SH3RF1: variants seen among roughly 807,000 people sequenced by gnomAD.
SH3RF1 encodes the protein SH3 domain containing ring finger 1, also known as E3 ubiquitin-protein ligase SH3RF1.
A neutral mutation model predicts 74.0 loss-of-function variants in SH3RF1; 32 were observed. That is an observed-to-expected ratio of 0.43 (90% CI 0.33 to 0.58). The LOEUF (loss-of-function observed/expected upper bound fraction) is 0.58. Ranked by LOEUF, SH3RF1 falls within the 20% of genes least tolerant of loss-of-function variation. The probability of loss-of-function intolerance (pLI) is 0.05; values close to 1 mark genes in which losing one functional copy is unlikely to be tolerated. For missense variants in SH3RF1, 954 were observed against 1,130.9 expected (o/e 0.84, Z 2.24); for synonymous variants, 396 against 439.6 (o/e 0.90, Z 1.24).
chr4:169,259,990 C>T (rs992003766), intron 2 of SH3RF1, among the ~76,000 whole-genome samples: 1 of 152,122 alleles, frequency 6.6e-6, no homozygotes, highest in Admixed American at 6.5e-5. Context: ...CTTGGGTTTG[C>T]TTAAACTACA....
chr4:169,224,360 C>T (rs1279620834), intron 2 of SH3RF1, among the ~76,000 whole-genome samples: 1 of 151,460 alleles, frequency 6.6e-6, no homozygotes, highest in Non-Finnish European at 1.5e-5. Context: ...CTCTGTGGTC[C>T]AGGCTGGAGT....
Position 169,120,832 on chromosome 4 carries a change from C to A in SH3RF1, c.1504G>T (p.Ala502Ser). 1 of 1,614,110 alleles carries A rather than the reference C, an allele frequency of 6.2e-7. No individual in the cohort carries two copies. The highest frequency in any genetic ancestry group is 8.5e-7 in the Non-Finnish European group (1 of 1,180,012). ...TCAAAACCATACCTTGTGACTGGTG[C>A]CACATAATTGCCAGGGAAAACCCCT... ...KIGVFPGNYVAPVTRAVTNAS... is the reference protein window; with the variant it reads ...KIGVFPGNYVSPVTRAVTNAS... The change falls in exon 8 of 12, where the codon GCA becomes TCA. Residue 502 changes from alanine (A) to serine (S), a missense_variant. This residue lies in a region of SH3RF1 where 854 missense variants were observed against 962.5 expected (regional missense o/e 0.89). Transcript: ENST00000284637.
intron 2 of SH3RF1, among the ~76,000 whole-genome samples, chr4:169,171,338 T>G (rs1734324410): frequency 6.6e-6 from 1 of 152,202 alleles, no homozygotes; most frequent in Non-Finnish European, 1.5e-5. Flanking sequence ...TTTGCTCAAT[T>G]AAATTATGTT....
intron 8 of SH3RF1, among the ~76,000 whole-genome samples, chr4:169,120,075 CTATGCATAGGA>C (rs1449823143): frequency 6.6e-6 from 1 of 152,142 alleles, no homozygotes; most frequent in Non-Finnish European, 1.5e-5. Context: ...GGAGGCTGTC[CTATGCATAGGA>C]TGTTTCACTC....
rs1196125840 is a variant in SH3RF1, at chr4:169,155,546, C to A, written c.699G>T (p.Val233=). Residue 233 remains valine, a synonymous_variant, in exon 4 of 12, where the codon GTG becomes GTT. Transcript: ENST00000284637. ...GCATTCCTTCAGCCCAGTTTTCATC[C>A]ACTCTTCGGATCACAGTCAGAACAT... ...KDDVLTVIRR[V]DENWAEGMLA... is the part of the protein sequence containing the mutation. 1 of 1,613,602 alleles carries A rather than the reference C, an allele frequency of 6.2e-7. No homozygotes were observed. Among genetic ancestry groups the A allele is most frequent in the East Asian group, 2.2e-5 (1 of 44,856 alleles).
At chr4:169,247,712 C>T (rs953957663) in intron 2 of SH3RF1, among the ~76,000 whole-genome samples, 1 of 151,954 alleles carries the variant, frequency 6.6e-6, no homozygotes, top group Non-Finnish European at 1.5e-5. Context: ...TTCCTGCACA[C>T]GACAGAAACT....
chr4:169,104,139 A>G (rs1733090978), intron 11 of SH3RF1, among the ~76,000 whole-genome samples: 1 of 152,192 alleles, frequency 6.6e-6, no homozygotes, highest in African/African-American at 2.4e-5. Flanking sequence ...CTGAAAAGGA[A>G]TGCACTGGGG....
At position 169,116,419 on chromosome 4, in the gene SH3RF1, T is replaced by A; in HGVS notation, c.1989A>T (p.Pro663=). The change falls in exon 10 of 12, where the codon CCA becomes CCT. Residue 663 remains proline, a synonymous_variant. Coordinates refer to ENST00000284637, the MANE Select transcript of SH3RF1 (RefSeq NM_020870.4). The stretch of plus-strand genomic sequence containing the variant: ...CACTGGTGATGCTTGGGGAAGTCAG[T>A]GGAGCAGCTGCTGCACAGGCCAGAG... ...SAPLACAAAA[P]LTSPSITSAS... 1.2e-6 allele frequency: 2 copies of A among 1,614,094 alleles called. No individual in the cohort carries two copies. The highest frequency in any genetic ancestry group is 2.2e-5 in the South Asian group (2 of 91,076).
chr4:169,134,036 C>A (rs1406770596), intron 5 of SH3RF1, among the ~76,000 whole-genome samples: 2 of 152,182 alleles, frequency 1.3e-5, no homozygotes, highest in Non-Finnish European at 2.9e-5. Context: ...GCTCAATGCT[C>A]TATTGTGGCC....
At chr4:169,163,635 T>C (rs1194155273) in intron 2 of SH3RF1, among the ~76,000 whole-genome samples, 1 of 152,188 alleles carries the variant, frequency 6.6e-6, no homozygotes, top group Non-Finnish European at 1.5e-5. Context: ...CAATTACCTC[T>C]TAAATCACAT....
chr4:169,094,654 T>A lies in SH3RF1; in HGVS notation c.*1865A>T, dbSNP rs993358881. On this transcript the variant is annotated 3_prime_UTR_variant, in exon 12 of 12. Transcript: ENST00000284637. ...ACACATTGGTGTCAACTTACACAGA[T>A]GAAAGCTGATGCCAGCTTTTTCCTA... The A allele has an allele frequency of 6.6e-6, 1 of 152,338 alleles. No individual in the cohort carries two copies. Among genetic ancestry groups the A allele is most frequent in the African/African-American group, 2.4e-5 (1 of 41,438 alleles). The allele number at this position is 152,338 out of a possible 1,614,324, so 9.4% of individuals were successfully genotyped here.
intron 5 of SH3RF1, among the ~76,000 whole-genome samples, chr4:169,132,885 C>T (rs564846634): frequency 5.9e-5 from 9 of 152,344 alleles, no homozygotes; most frequent in South Asian, 2.1e-4. Flanking sequence ...ACTCATGTCA[C>T]AGTCACAGAC....
At chr4:169,129,908 A>C (rs939533094) in intron 6 of SH3RF1, 138 bp downstream of exon 6, 3 of 694,284 alleles carry the variant, frequency 4.3e-6, no homozygotes, top group Non-Finnish European at 7.2e-6. Flanking sequence ...AGATTAACAG[A>C]GATAATAGAT....
At chr4:169,241,136 A>G (rs1238912072) in intron 2 of SH3RF1, among the ~76,000 whole-genome samples, 2 of 152,314 alleles carry the variant, frequency 1.3e-5, no homozygotes, top group East Asian at 3.9e-4. Flanking sequence ...AGGCTGAGAC[A>G]GGAGAATGGC....
chr4:169,099,237 T>C (rs1732977509), intron 11 of SH3RF1, among the ~76,000 whole-genome samples: 1 of 152,234 alleles, frequency 6.6e-6, no homozygotes, highest in East Asian at 1.9e-4. Context: ...TACAGGTGTG[T>C]GCCACCAAAC....
chr4:169,254,081 T>C (rs1227248535), intron 2 of SH3RF1, among the ~76,000 whole-genome samples: 1 of 152,236 alleles, frequency 6.6e-6, no homozygotes, highest in Non-Finnish European at 1.5e-5. Flanking sequence ...CTGTCATTGC[T>C]GACTTAAATA....
intron 2 of SH3RF1, among the ~76,000 whole-genome samples, chr4:169,215,387 A>G (rs2706750): frequency 0.48 from 72,996 of 152,094 alleles, 18,500 homozygotes; most frequent in East Asian, 0.78. Context: ...ACCTATGTTC[A>G]TGACAGATAT....
intron 6 of SH3RF1, among the ~76,000 whole-genome samples, chr4:169,126,292 G>A (rs1284719866): frequency 1.3e-5 from 2 of 152,154 alleles, no homozygotes; most frequent in Non-Finnish European, 2.9e-5. Flanking sequence ...TGGAATAAGA[G>A]GTCTCAGTTC....
At chr4:169,218,950 G>C (rs561438441) in intron 2 of SH3RF1, among the ~76,000 whole-genome samples, 1 of 152,306 alleles carries the variant, frequency 6.6e-6, no homozygotes, top group East Asian at 1.9e-4. Context: ...GTATTTAGCA[G>C]TCAGACTTCT....
Sources: allele counts gnomAD v4.1 joint callset (sites outside exome capture counted in the v4.1 genomes callset), GRCh38; gene constraint gnomAD v4.1.1; regional missense constraint gnomAD v4.1.1; transcripts MANE v1.5; gene names NCBI Gene and HGNC (gene_info 2026-07-23, HGNC 2026-07-21).